Variants in TMEM132C observed in about 807,000 individuals in gnomAD.
The protein encoded by TMEM132C is protein phosphatase 1, regulatory subunit 152.
A neutral mutation model predicts 61.4 loss-of-function variants in TMEM132C; 29 were observed. That is an observed-to-expected ratio of 0.47 (90% CI 0.35 to 0.64). TMEM132C has a LOEUF of 0.64. TMEM132C is among the 30% of genes least tolerant of loss of function. The pLI is 0.00. For synonymous variants in TMEM132C, 656 were observed against 633.1 expected (o/e 1.04, Z -0.54); for missense variants, 1,408 against 1,476.9 (o/e 0.95, Z 0.76).
At chr12:128,374,167 G>A (rs961375795) in intron 1 of TMEM132C, among the ~76,000 whole-genome samples, 4 of 152,196 alleles carry the variant, frequency 2.6e-5, no homozygotes, top group Admixed American at 6.5e-5. Context: ...AATGATAACG[G>A]TGACACACAC....
chr12:128,397,139 C>T (rs1874988485), intron 1 of TMEM132C, among the ~76,000 whole-genome samples: 1 of 152,162 alleles, frequency 6.6e-6, no homozygotes, highest in South Asian at 2.1e-4. Context: ...GGTGGGGGAG[C>T]CTTCTAGTAG....
intron 1 of TMEM132C, among the ~76,000 whole-genome samples, chr12:128,383,123 T>C (rs1289344799): frequency 6.6e-6 from 1 of 152,182 alleles, no homozygotes; most frequent in African/African-American, 2.4e-5. Context: ...TGTGTGTGTA[T>C]GCAGTTGTTT....
At chr12:128,622,400 TA>T (rs1555237058) in intron 4 of TMEM132C, among the ~76,000 whole-genome samples, 1 of 117,328 alleles carries the variant, frequency 8.5e-6, no homozygotes, top group Non-Finnish European at 1.8e-5. Context: ...TATATATATA[TA>T]ACCAGGAAAC....
In TMEM132C at chr12:128,551,767, G is replaced by A. The variant is rs921779760; in HGVS notation, c.1121+7664G>A. Among the ~76,000 whole-genome samples, 6 of 152,024 alleles carry A rather than the reference G, an allele frequency of 3.9e-5. No individual in the cohort carries two copies. In the South Asian group the frequency reaches 1.0e-3, roughly 26 times the overall value. ...GCCTCCCCCTTCATCTCCTTTCCTC[G>A]GTCTGCATCTTTTTTCAAAACCAGG... is the stretch of plus-strand genomic sequence containing the variant. On this transcript the variant is annotated intron_variant, in intron 3 of 8. Coordinates refer to ENST00000435159, the MANE Select transcript of TMEM132C (RefSeq NM_001136103.3).
At chr12:128,638,764 G>A (rs1954121571) in intron 4 of TMEM132C, among the ~76,000 whole-genome samples, 1 of 152,134 alleles carries the variant, frequency 6.6e-6, no homozygotes, top group Non-Finnish European at 1.5e-5. Context: ...GATAGTTGTG[G>A]TGGTTATAAT....
chr12:128,616,026 C>T (rs1429909346), intron 3 of TMEM132C, 126 bp from the exon 4 acceptor site: 5 of 1,201,212 alleles, frequency 4.2e-6, no homozygotes, highest in Non-Finnish European at 5.7e-6. Context: ...CCAGGATCCC[C>T]CACCAAAACC....
chr12:128,631,135 C>T lies in TMEM132C; in HGVS notation c.1305+14800C>T, dbSNP rs147623428. Among the ~76,000 whole-genome samples the T allele has an allele frequency of 6.3e-3, 958 of 152,278 alleles. 13 individuals are homozygous for T. Among genetic ancestry groups the T allele is most frequent in the African/African-American group, 0.022 (902 of 41,554 alleles). ...GGAAAGATTCACATTTAGAAACAGACGAAGCAGTGTTATGTAATGGAGCTT... is the reference window on the plus strand; with the variant it reads ...GGAAAGATTCACATTTAGAAACAGATGAAGCAGTGTTATGTAATGGAGCTT... On this transcript the variant is annotated intron_variant, in intron 4 of 8. Transcript: ENST00000435159.
chr12:128,697,408 C>T lies in TMEM132C; in HGVS notation c.2114C>T (p.Pro705Leu), dbSNP rs1389857056. The T allele has an allele frequency of 6.5e-7, 1 of 1,536,306 alleles. No homozygotes were observed. The highest frequency in any genetic ancestry group is 8.8e-7 in the Non-Finnish European group (1 of 1,135,326). The change falls in exon 8 of 9, where the codon CCC (proline) becomes CTC (leucine). Residue 705 changes from proline to leucine, a missense_variant. By Grantham distance (98) the Pro-to-Leu change is moderately conservative (BLOSUM62 -3). Transcript: ENST00000435159. ...VVTAEEVLRT[P>L]KQEAVFSTWL... The stretch of plus-strand genomic sequence containing the variant: ...ACAGCTGAGGAGGTGCTGCGGACCC[C>T]CAAACAGGTAGGGGGCCAAATGCCA...
intron 2 of TMEM132C, among the ~76,000 whole-genome samples, chr12:128,428,451 A>G (rs545623046): frequency 1.3e-5 from 2 of 152,264 alleles, no homozygotes; most frequent in East Asian, 3.9e-4. Context: ...AATAGGTGCA[A>G]TAAATGTCCT....
At chr12:128,489,927 G>T (rs1312690314) in intron 2 of TMEM132C, among the ~76,000 whole-genome samples, 8 of 151,936 alleles carry the variant, frequency 5.3e-5, no homozygotes. Context: ...GTTCCCTTTC[G>T]TCCACGTGTA....
At chr12:128,507,675 C>A (rs556296342) in intron 2 of TMEM132C, among the ~76,000 whole-genome samples, 1 of 152,026 alleles carries the variant, frequency 6.6e-6, no homozygotes, top group Non-Finnish European at 1.5e-5. Context: ...ATCGTTTAAA[C>A]GTTTTATATG....
intron 3 of TMEM132C, among the ~76,000 whole-genome samples, chr12:128,604,553 A>T (rs1876340233): frequency 6.6e-6 from 1 of 152,138 alleles, no homozygotes; most frequent in African/African-American, 2.4e-5. Flanking sequence ...TAGATAATAG[A>T]TGGATAGATA....
intron 2 of TMEM132C, among the ~76,000 whole-genome samples, chr12:128,541,059 G>T (rs1297386334): frequency 6.7e-6 from 1 of 148,896 alleles, no homozygotes; most frequent in Non-Finnish European, 1.5e-5. Flanking sequence ...GTGTCTGACT[G>T]CCTGGCTTTA....
chr12:128,277,566 G>C (rs751430094), intron 1 of TMEM132C, among the ~76,000 whole-genome samples: 4 of 152,202 alleles, frequency 2.6e-5, no homozygotes, highest in Non-Finnish European at 5.9e-5. Flanking sequence ...GGAATTCTGG[G>C]AGCCTGGGGG....
At chr12:128,481,253 G>A (rs1466627785) in intron 2 of TMEM132C, among the ~76,000 whole-genome samples, 1 of 152,218 alleles carries the variant, frequency 6.6e-6, no homozygotes, top group Non-Finnish European at 1.5e-5. Context: ...GACACTCAGT[G>A]TGCATTAGGT....
intron 3 of TMEM132C, among the ~76,000 whole-genome samples, chr12:128,552,160 A>T (rs748618896): frequency 3.9e-5 from 6 of 152,216 alleles, no homozygotes; most frequent in Non-Finnish European, 8.8e-5. Context: ...TTAGGTGCTG[A>T]ACACCTTCAC....
chr12:128,572,390 C>T lies in TMEM132C; in HGVS notation c.1121+28287C>T, dbSNP rs536493331. On this transcript the variant is annotated intron_variant, in intron 3 of 8. Coordinates refer to ENST00000435159, the MANE Select transcript of TMEM132C (RefSeq NM_001136103.3). ...CTCTGCTGATCTCTGATTAGTCAGA[C>T]CTGGGTCACATACCAACTGTGGCTG... Among the ~76,000 whole-genome samples the T allele has an allele frequency of 3.3e-5, 5 of 151,948 alleles. No individual in the cohort carries two copies. The South Asian group carries it at 1.0e-3, about 32-fold the overall frequency.
chr12:128,606,803 C>T (rs1352255876), intron 3 of TMEM132C, among the ~76,000 whole-genome samples: 1 of 152,192 alleles, frequency 6.6e-6, no homozygotes, highest in African/African-American at 2.4e-5. Flanking sequence ...GGGCAGGTCT[C>T]GGTTCCAGGG....
At chr12:128,638,886 G>GGTGATA (rs1253097814) in intron 4 of TMEM132C, among the ~76,000 whole-genome samples, 1 of 137,590 alleles carries the variant, frequency 7.3e-6, no homozygotes, top group Non-Finnish European at 1.6e-5. Flanking sequence ...TGGTGATGAT[G>GGTGATA]GTGGTGGTGA....
Sources: gnomAD v4.1 joint callset for allele counts (sites outside exome capture counted in the v4.1 genomes callset) on GRCh38, gnomAD v4.1.1 for gene constraint, MANE v1.5 for transcripts, NCBI Gene and HGNC (gene_info 2026-07-23, HGNC 2026-07-21) for gene names.